The following GRIN2A variants were observed in gnomAD, a reference collection of about 807,000 sequenced individuals.
GRIN2A encodes glutamate ionotropic receptor NMDA type subunit 2A.
Under a neutral mutation model 113.4 loss-of-function variants are expected in GRIN2A, and 22 were observed. The ratio of observed to expected loss-of-function variants is 0.19; its 90% confidence interval spans 0.14 to 0.28. GRIN2A has a LOEUF of 0.28. Among genes scored for constraint, GRIN2A ranks in the 10% least tolerant of loss-of-function variants. The probability of loss-of-function intolerance (pLI) is 1.00; values close to 1 mark genes in which losing one functional copy is unlikely to be tolerated. For synonymous variants in GRIN2A, 827 were observed against 738.4 expected, an observed-to-expected ratio of 1.12 and a Z score of -1.94; for missense variants, 1,502 against 1,887.0, an observed-to-expected ratio of 0.80 and a Z score of 3.78.
At chr16:9,917,319 C>T (rs2044271784) in intron 3 of GRIN2A, among the ~76,000 whole-genome samples, 1 of 152,138 alleles carries the variant, frequency 6.6e-6, no homozygotes, top group African/African-American at 2.4e-5. Context: ...AGATTATAAC[C>T]CCAGGGGTCA....
intron 2 of GRIN2A, among the ~76,000 whole-genome samples, chr16:9,968,273 T>C (rs1182099204): frequency 4.3e-5 from 3 of 69,350 alleles, no homozygotes; most frequent in Non-Finnish European, 9.8e-5. Context: ...TGTATGTATG[T>C]ATGTATGTAT....
At chr16:9,858,241 T>C (rs958955163) in intron 4 of GRIN2A, among the ~76,000 whole-genome samples, 1 of 152,214 alleles carries the variant, frequency 6.6e-6, no homozygotes, top group Admixed American at 6.5e-5. Context: ...AAAGTGGGGA[T>C]GGCATTGCTT....
At chr16:9,793,904 T>G (rs963344010) in intron 11 of GRIN2A, among the ~76,000 whole-genome samples, 4 of 152,318 alleles carry the variant, frequency 2.6e-5, no homozygotes, top group Middle Eastern at 3.4e-3. Flanking sequence ...GGATTAGATA[T>G]TTTGCATTTA....
At chr16:10,090,641 CA>C (rs1276599720) in intron 2 of GRIN2A, among the ~76,000 whole-genome samples, 6 of 151,736 alleles carry the variant, frequency 4.0e-5, no homozygotes, top group African/African-American at 1.5e-4. Flanking sequence ...CTCTTAGACA[CA>C]AAACCATTCA....
intron 5 of GRIN2A, among the ~76,000 whole-genome samples, chr16:9,846,873 G>A (rs747649541): frequency 6.6e-6 from 1 of 152,218 alleles, no homozygotes; most frequent in African/African-American, 2.4e-5. Context: ...CTGTGAGGTG[G>A]TGTTTTTGCT....
At chr16:9,768,012 C>A (rs1258543681) in intron 12 of GRIN2A, among the ~76,000 whole-genome samples, 1 of 152,196 alleles carries the variant, frequency 6.6e-6, no homozygotes, top group Non-Finnish European at 1.5e-5. Flanking sequence ...GAGCCACAGG[C>A]TGGCTCTGTC....
At chr16:9,779,362 C>T (rs971036) in intron 11 of GRIN2A, among the ~76,000 whole-genome samples, 32,674 of 152,130 alleles carry the variant, frequency 0.21, 4,058 homozygotes, top group East Asian at 0.53. Context: ...TCTTTTTTAT[C>T]GAAGTGTTGT....
chr16:9,767,010 C>T (rs767813976), intron 12 of GRIN2A, among the ~76,000 whole-genome samples: 2 of 152,178 alleles, frequency 1.3e-5, no homozygotes, highest in African/African-American at 2.4e-5. Flanking sequence ...AATGCTCTTC[C>T]AAAAACAAGC....
At chr16:9,784,158 G>A (rs1485156176) in intron 11 of GRIN2A, among the ~76,000 whole-genome samples, 1 of 152,110 alleles carries the variant, frequency 6.6e-6, no homozygotes, top group Non-Finnish European at 1.5e-5. Context: ...GGCTGGGTGT[G>A]GTGGCTCACA....
At chr16:9,766,669 T>A (rs1455385099) in intron 12 of GRIN2A, among the ~76,000 whole-genome samples, 1 of 152,180 alleles carries the variant, frequency 6.6e-6, no homozygotes, top group African/African-American at 2.4e-5. Flanking sequence ...TGTGGAAATC[T>A]TACAAATGAG....
intron 10 of GRIN2A, among the ~76,000 whole-genome samples, chr16:9,809,917 A>C (rs1382733521): frequency 6.6e-6 from 1 of 152,096 alleles, no homozygotes; most frequent in Non-Finnish European, 1.5e-5. Flanking sequence ...AAAGTACAAA[A>C]ATTAGCTGGG....
intron 2 of GRIN2A, among the ~76,000 whole-genome samples, chr16:10,034,291 G>A (rs2046983094): frequency 6.6e-6 from 1 of 152,060 alleles, no homozygotes; most frequent in Admixed American, 6.6e-5. Flanking sequence ...TCGGGAGGCT[G>A]AGGAAGGCTG....
rs7186255 is a variant in GRIN2A, at chr16:10,067,207, G to A, written c.414+112791C>T. ...TGCATCTGGGGCTTTTTCTGAAGCC[G>A]TTTTTTCCCTCATTTTTTTCTGTCC... On this transcript the variant is annotated intron_variant, in intron 2 of 12. Transcript: ENST00000330684. 7.2e-3 allele frequency among the ~76,000 whole-genome samples: 1,093 copies of A among 152,078 alleles called. 10 individuals carry two copies. Among genetic ancestry groups the A allele is most frequent in the African/African-American group, 0.025 (1,036 of 41,468 alleles).
chr16:10,060,130 T>A (rs888670459), intron 2 of GRIN2A, among the ~76,000 whole-genome samples: 7 of 151,736 alleles, frequency 4.6e-5, no homozygotes, highest in African/African-American at 1.7e-4. Flanking sequence ...GAGGGAGAAA[T>A]CACCTATAGC....
chr16:9,876,028 T>C (rs531277565), intron 4 of GRIN2A, among the ~76,000 whole-genome samples: 2 of 152,142 alleles, frequency 1.3e-5, no homozygotes, highest in Non-Finnish European at 2.9e-5. Context: ...TCTTGGAACG[T>C]GTCCTGGGCC....
At chr16:10,131,781 G>C (rs1215147535) in intron 2 of GRIN2A, among the ~76,000 whole-genome samples, 1 of 152,124 alleles carries the variant, frequency 6.6e-6, no homozygotes, top group Admixed American at 6.5e-5. Flanking sequence ...TTGTGCCCCT[G>C]ACCCACCATG....
At chr16:10,135,304 G>A (rs544938616) in intron 2 of GRIN2A, among the ~76,000 whole-genome samples, 7 of 152,172 alleles carry the variant, frequency 4.6e-5, no homozygotes, top group South Asian at 2.1e-4. Flanking sequence ...TGCTTTTAAC[G>A]TCCATATTTC....
intron 2 of GRIN2A, among the ~76,000 whole-genome samples, chr16:9,957,236 C>T (rs144725821): frequency 2.0e-5 from 3 of 152,272 alleles, no homozygotes; most frequent in Admixed American, 2.0e-4. Context: ...GCCTGGCACT[C>T]ATCTGGTGCC....
chr16:9,878,273 G>A (rs1328190863), intron 4 of GRIN2A, among the ~76,000 whole-genome samples: 2 of 152,112 alleles, frequency 1.3e-5, no homozygotes, highest in African/African-American at 4.8e-5. Flanking sequence ...CTCAAGTCCT[G>A]CCTTTACCAC....
Sources: gnomAD v4.1 joint callset for allele counts (sites outside exome capture counted in the v4.1 genomes callset) on GRCh38, gnomAD v4.1.1 for gene constraint, MANE v1.5 for transcripts, NCBI Gene and HGNC (gene_info 2026-07-23, HGNC 2026-07-21) for gene names.